EXOC4: variants seen among roughly 807,000 people sequenced by gnomAD.
EXOC4 encodes the protein exocyst complex component 4, also known as SEC8-like 1.
A neutral mutation model predicts 107.2 loss-of-function variants in EXOC4; 71 were observed. The observed-to-expected ratio is 0.66, with a 90% CI of 0.55 to 0.81. EXOC4 has a LOEUF of 0.81. Among genes scored for constraint, EXOC4 ranks in the 30% least tolerant of loss-of-function variants. The probability of loss-of-function intolerance (pLI) is 0.00; values close to 1 mark genes in which losing one functional copy is unlikely to be tolerated. For synonymous variants in EXOC4, 456 were observed against 441.2 expected, an observed-to-expected ratio of 1.03 and a Z score of -0.42; for missense variants, 1,108 against 1,189.6, an observed-to-expected ratio of 0.93 and a Z score of 1.01.
chr7:134,023,029 C>T (rs569196797), intron 17 of EXOC4, among the ~76,000 whole-genome samples: 2 of 152,248 alleles, frequency 1.3e-5, no homozygotes, highest in African/African-American at 2.4e-5. Flanking sequence ...TTTCTTTGAA[C>T]TATTATTTAT....
chr7:133,267,539 G>A (rs565159050), intron 1 of EXOC4, among the ~76,000 whole-genome samples: 1 of 152,112 alleles, frequency 6.6e-6, no homozygotes, highest in Non-Finnish European at 1.5e-5. Context: ...CTTATGTGAA[G>A]TAGCCTCCTT....
At chr7:134,013,131 A>G (rs1794810027) in intron 17 of EXOC4, among the ~76,000 whole-genome samples, 1 of 152,208 alleles carries the variant, frequency 6.6e-6, no homozygotes, top group Admixed American at 6.5e-5. Flanking sequence ...AGGGCAAAAC[A>G]AAAATGCAAT....
intron 3 of EXOC4, among the ~76,000 whole-genome samples, chr7:133,301,810 A>G (rs1794648056): frequency 6.6e-6 from 1 of 152,200 alleles, no homozygotes. Context: ...CTTTTACAAC[A>G]TTTCTTCAAC....
intron 9 of EXOC4, among the ~76,000 whole-genome samples, chr7:133,544,315 C>G (rs1800437890): frequency 6.6e-6 from 1 of 151,996 alleles, no homozygotes; most frequent in Non-Finnish European, 1.5e-5. Context: ...ATCTGTCTTC[C>G]TTTTAGTTGC....
chr7:133,906,010 C>T (rs1223998056), intron 12 of EXOC4, among the ~76,000 whole-genome samples: 1 of 152,114 alleles, frequency 6.6e-6, no homozygotes, highest in Non-Finnish European at 1.5e-5. Flanking sequence ...TGAGAAATCA[C>T]AGTGACTAGA....
intron 9 of EXOC4, among the ~76,000 whole-genome samples, chr7:133,515,035 G>T (rs569313065): frequency 3.9e-5 from 6 of 152,020 alleles, no homozygotes; most frequent in Non-Finnish European, 8.8e-5. Flanking sequence ...ATATATTAAT[G>T]TCAAAATAAC....
chr7:133,899,094 CTT>C (rs1186095814), intron 12 of EXOC4, among the ~76,000 whole-genome samples: 2 of 145,040 alleles, frequency 1.4e-5, no homozygotes. Flanking sequence ...AAATATAAAG[CTT>C]TTTTTTTTTA....
At chr7:133,960,204 A>C (rs983238764) in intron 14 of EXOC4, among the ~76,000 whole-genome samples, 1 of 152,224 alleles carries the variant, frequency 6.6e-6, no homozygotes, top group African/African-American at 2.4e-5. Context: ...GAAAAAAAAA[A>C]TTGTCCATCA....
At chr7:133,458,563 G>T (rs1331812076) in intron 7 of EXOC4, among the ~76,000 whole-genome samples, 1 of 152,112 alleles carries the variant, frequency 6.6e-6, no homozygotes, top group Admixed American at 6.5e-5. Flanking sequence ...TACTCCTCAG[G>T]TGGAGAGCAA....
chr7:133,390,448 T>G (rs1387374026), intron 7 of EXOC4, among the ~76,000 whole-genome samples: 1 of 151,982 alleles, frequency 6.6e-6, no homozygotes, highest in Non-Finnish European at 1.5e-5. Flanking sequence ...GTAGACAGCT[T>G]GGGAGGAAAT....
intron 17 of EXOC4, among the ~76,000 whole-genome samples, chr7:134,036,394 C>T (rs1014872256): frequency 2.0e-5 from 3 of 152,120 alleles, no homozygotes; most frequent in Non-Finnish European, 2.9e-5. Flanking sequence ...TCAAGACCAG[C>T]CCAGCAAATA....
chr7:133,810,780 G>A (rs1256408048), intron 10 of EXOC4, among the ~76,000 whole-genome samples: 1 of 151,842 alleles, frequency 6.6e-6, no homozygotes, highest in Non-Finnish European at 1.5e-5. Flanking sequence ...ACAGGCACCC[G>A]CCACCATGCC....
At chr7:133,991,619 A>G (rs1794262836) in intron 14 of EXOC4, among the ~76,000 whole-genome samples, 2 of 152,174 alleles carry the variant, frequency 1.3e-5, no homozygotes, top group South Asian at 4.1e-4. Context: ...TTTTCAGTTG[A>G]CTTTTTTAAT....
At chr7:133,535,004 T>C (rs1800247061) in intron 9 of EXOC4, among the ~76,000 whole-genome samples, 1 of 152,192 alleles carries the variant, frequency 6.6e-6, no homozygotes. Flanking sequence ...TAAAAGGGCA[T>C]GAGAGTCATT....
At chr7:134,036,592 GAAA>G (rs912098768) in intron 17 of EXOC4, among the ~76,000 whole-genome samples, 2 of 151,076 alleles carry the variant, frequency 1.3e-5, no homozygotes, top group Admixed American at 1.3e-4. Context: ...TGTCTCAAAA[GAAA>G]AAAAAGAGAG....
chr7:133,979,408 C>T (rs1450132136), intron 14 of EXOC4, among the ~76,000 whole-genome samples: 1 of 152,130 alleles, frequency 6.6e-6, no homozygotes, highest in Admixed American at 6.5e-5. Context: ...TGACTCCAGG[C>T]CCTGTTTGAG....
At chr7:133,316,621 A>C (rs1794996999) in intron 4 of EXOC4, among the ~76,000 whole-genome samples, 1 of 152,190 alleles carries the variant, frequency 6.6e-6, no homozygotes, top group Non-Finnish European at 1.5e-5. Flanking sequence ...AAGTTGATTT[A>C]TGCGTTTATT....
intron 6 of EXOC4, among the ~76,000 whole-genome samples, chr7:133,367,149 CAG>C (rs1181129777): frequency 6.6e-6 from 1 of 152,076 alleles, no homozygotes; most frequent in Non-Finnish European, 1.5e-5. Context: ...GTCTACAGCT[CAG>C]GGGAGTAATC....
rs546853197 is a variant in EXOC4, at chr7:134,027,483, C to A, written c.2687+19648C>A. On this transcript the variant is annotated intron_variant, in intron 17 of 17. Coordinates refer to ENST00000253861, the MANE Select transcript of EXOC4 (RefSeq NM_021807.4). The stretch of plus-strand genomic sequence containing the variant: ...GACCATCCTGGCCAACATGGTGGAA[C>A]CCTGTCTCTACTGAAAATACAAAAA... Among the ~76,000 whole-genome samples the A allele has an allele frequency of 3.9e-5, 6 of 152,044 alleles. No homozygotes were observed. In the East Asian group the frequency reaches 9.7e-4, roughly 25 times the overall value.
Sources: gnomAD v4.1 joint callset for allele counts (sites outside exome capture counted in the v4.1 genomes callset) on GRCh38, gnomAD v4.1.1 for gene constraint, MANE v1.5 for transcripts, NCBI Gene and HGNC (gene_info 2026-07-23, HGNC 2026-07-21) for gene names.